The following NSUN2 variants were observed in gnomAD, a reference collection of about 807,000 sequenced individuals.
NSUN2 encodes RNA cytosine C(5)-methyltransferase NSUN2.
Under a neutral mutation model 92.7 loss-of-function variants are expected in NSUN2, and 63 were observed. That is an observed-to-expected ratio of 0.68 (90% CI 0.56 to 0.84). The LOEUF is 0.84. NSUN2 is among the 40% of genes least tolerant of loss of function. The pLI is 0.00. For missense variants in NSUN2, 989 were observed against 964.9 expected (o/e 1.02, Z -0.33); for synonymous variants, 356 against 348.3 (o/e 1.02, Z -0.25).
At chr5:6,617,929 C>G (rs1737277440) in intron 8 of NSUN2, 21 bp downstream of exon 8, 1 of 1,572,688 alleles carries the variant, frequency 6.4e-7, no homozygotes, top group East Asian at 2.2e-5. Flanking sequence ...ACAGTGTTAG[C>G]AGTGATGAAG....
At position 6,618,080 on chromosome 5, in the gene NSUN2, T is replaced by C. The variant is rs1737288523; in HGVS notation, c.816-56A>G. On this transcript the variant is annotated intron_variant, in intron 7 of 18. Transcript: ENST00000264670. ...TCCCTACAGGTGGATGACTGCACTT[T>C]AACAGATATGTCACATACAAGCTAA... The C allele has an allele frequency of 2.1e-5, 23 of 1,112,356 alleles. 1 individual carries two copies. In the South Asian group the frequency reaches 2.8e-4, roughly 14 times the overall value. 68.9% of individuals were successfully genotyped at this position (1,112,356 alleles called of 1,614,324 possible).
At chr5:6,600,903 G>A (rs1011802510) in intron 18 of NSUN2, among the ~76,000 whole-genome samples, 3 of 152,220 alleles carry the variant, frequency 2.0e-5, no homozygotes, top group Admixed American at 6.5e-5. Flanking sequence ...AACATGCTCC[G>A]AGCCTCCCTA....
intron 18 of NSUN2, 54 bp from the exon 19 acceptor site, chr5:6,600,286 G>C: frequency 3.3e-6 from 5 of 1,508,168 alleles, no homozygotes; most frequent in Non-Finnish European, 4.5e-6. Flanking sequence ...TAACTAAATC[G>C]AATGAGATGT....
At chr5:6,609,771 T>C in intron 12 of NSUN2, 55 bp downstream of exon 12, 2 of 1,410,548 alleles carry the variant, frequency 1.4e-6, no homozygotes, top group Non-Finnish European at 2.0e-6. Flanking sequence ...GGTTAGTTTT[T>C]GTCTTAAATG....
chr5:6,607,779 T>C (rs185782699), intron 12 of NSUN2, among the ~76,000 whole-genome samples: 35 of 152,286 alleles, frequency 2.3e-4, no homozygotes, highest in Non-Finnish European at 4.1e-4. Flanking sequence ...AAGACAAGTA[T>C]ATAAATAACG....
rs1170566663 is a variant in NSUN2, at chr5:6,600,237, A to C, written c.1998-5T>G. ...CACTGCAGAGCGTCTGGATTCCTACAAGTGAAAGTGGCTTCATGTAGAACA... is the reference window on the plus strand; with the variant it reads ...CACTGCAGAGCGTCTGGATTCCTACCAGTGAAAGTGGCTTCATGTAGAACA... On this transcript the variant is annotated splice_region_variant and splice_polypyrimidine_tract_variant and intron_variant, in intron 18 of 18. Transcript: ENST00000264670. The C allele has an allele frequency of 1.2e-6, 2 of 1,609,520 alleles. No homozygotes were observed. The highest frequency in any genetic ancestry group is 1.7e-6 in the Non-Finnish European group (2 of 1,176,812).
At position 6,610,963 on chromosome 5, in the gene NSUN2, C is replaced by T; in HGVS notation, c.1218G>A (p.Leu406=). Residue 406 remains leucine, a synonymous_variant, in exon 11 of 19, where the codon CTG becomes CTA. Coordinates refer to ENST00000264670, the MANE Select transcript of NSUN2 (RefSeq NM_017755.6). ...KDPEKLQAMH[L]ERCLRILPHH... is the part of the protein sequence containing the mutation. Reference sequence around the variant, plus strand: ...AGGCCCCACCAGCTCACCATCGCTCCAGGTGCATGGCCTGCAGCTTTTCTG... The same window carrying T: ...AGGCCCCACCAGCTCACCATCGCTCTAGGTGCATGGCCTGCAGCTTTTCTG... 6.2e-7 allele frequency: 1 copy of T among 1,614,128 alleles called. No individual in the cohort carries two copies. The highest frequency in any genetic ancestry group is 1.1e-5 in the South Asian group (1 of 91,076).
Position 6,604,257 on chromosome 5 carries a change from G to T in NSUN2, c.1838C>A (p.Pro613Gln), listed in dbSNP as rs772393550. The T allele has an allele frequency of 1.4e-5, 22 of 1,595,930 alleles. No individual in the cohort carries two copies. Among genetic ancestry groups the T allele is most frequent in the Non-Finnish European group, 1.6e-5 (19 of 1,164,294 alleles). ...LAQEGIYTLY[P>Q]FINSRIITVS... is the part of the protein sequence containing the mutation. The stretch of plus-strand genomic sequence containing the variant: ...AGTAATAATTCTTGAGTTAATAAAT[G>T]GATACAATGTATATATTCCCTGTGT... Residue 613 changes from proline (P) to glutamine (Q), a missense_variant, in exon 17 of 19, where the codon CCA (proline) becomes CAA (glutamine). By Grantham distance (76) the Pro-to-Gln change is moderately conservative (BLOSUM62 -1). Around this residue, in one of 3 missense-constraint regions of NSUN2, gnomAD observed 626 missense variants for 602.3 expected, o/e 1.04. Coordinates refer to ENST00000264670, the MANE Select transcript of NSUN2 (RefSeq NM_017755.6).
intron 3 of NSUN2, among the ~76,000 whole-genome samples, chr5:6,629,198 T>G (rs1271851933): frequency 6.6e-6 from 1 of 152,222 alleles, no homozygotes; most frequent in African/African-American, 2.4e-5. Context: ...GCAATTCACC[T>G]TCATTCTTCA....
chr5:6,631,282 TACA>T (rs202028830), intron 3 of NSUN2, among the ~76,000 whole-genome samples: 2,214 of 152,236 alleles, frequency 0.015, 32 homozygotes, highest in Middle Eastern at 0.031. Context: ...ATCACCTTCA[TACA>T]ACTGAGACTA....
At chr5:6,628,068 C>A (rs11948470) in intron 3 of NSUN2, among the ~76,000 whole-genome samples, 1 of 152,178 alleles carries the variant, frequency 6.6e-6, no homozygotes, top group East Asian at 1.9e-4. Flanking sequence ...ACGTAACAGG[C>A]GAGGTGCAGT....
chr5:6,627,808 G>A (rs1737716313), intron 3 of NSUN2, among the ~76,000 whole-genome samples: 1 of 152,038 alleles, frequency 6.6e-6, no homozygotes. Flanking sequence ...ATCTTTTTAT[G>A]AACCAAAAAA....
intron 9 of NSUN2, among the ~76,000 whole-genome samples, chr5:6,616,288 C>T (rs1347904525): frequency 2.6e-5 from 4 of 152,088 alleles, no homozygotes; most frequent in Non-Finnish European, 5.9e-5. Context: ...AAACAAAATG[C>T]GGTTTATATA....
In NSUN2 at chr5:6,623,185, C is replaced by A. The variant is rs755084427; in HGVS notation, c.537+29G>T. On this transcript the variant is annotated intron_variant, in intron 5 of 18. Transcript: ENST00000264670. ...CATGACACTGGTAACAAGCTGCCCG[C>A]CCCCACGTTTCTAGTTGCTATATGC... 10 of 1,569,204 alleles carry A rather than the reference C, an allele frequency of 6.4e-6. No individual in the cohort carries two copies. In the East Asian group the frequency reaches 1.8e-4, roughly 28 times the overall value.
intron 12 of NSUN2, among the ~76,000 whole-genome samples, chr5:6,608,304 C>T (rs1736862294): frequency 6.6e-6 from 1 of 152,258 alleles, no homozygotes; most frequent in South Asian, 2.1e-4. Context: ...GGCATGTTCT[C>T]CCATCTCTGT....
At chr5:6,630,906 G>A (rs969003063) in intron 3 of NSUN2, among the ~76,000 whole-genome samples, 2 of 152,106 alleles carry the variant, frequency 1.3e-5, no homozygotes, top group Non-Finnish European at 2.9e-5. Context: ...ATCCTGGCTA[G>A]CAAGGTAAAA....
Position 6,611,190 on chromosome 5 carries a change from T to G in NSUN2, c.1096-105A>C, listed in dbSNP as rs545705928. The G allele has an allele frequency of 1.1e-5, 14 of 1,258,932 alleles. 1 individual carries two copies. In the South Asian group the frequency reaches 1.5e-4, roughly 14 times the overall value. 78.0% of individuals were successfully genotyped at this position (1,258,932 alleles called of 1,614,324 possible). The stretch of plus-strand genomic sequence containing the variant: ...TCTCAAAGGTGACAAATGGTGATTC[T>G]CATTCACTCCAAAGATAGGAAGATT... On this transcript the variant is annotated intron_variant, in intron 10 of 18. Transcript: ENST00000264670.
intron 3 of NSUN2, among the ~76,000 whole-genome samples, chr5:6,629,041 T>C (rs990540890): frequency 5.3e-5 from 8 of 152,128 alleles, no homozygotes; most frequent in African/African-American, 1.9e-4. Context: ...TGAGACCCTG[T>C]CTCAAAATAA....
intron 14 of NSUN2, among the ~76,000 whole-genome samples, chr5:6,606,507 A>T (rs536527133): frequency 7.4e-4 from 112 of 152,096 alleles, no homozygotes; most frequent in African/African-American, 2.6e-3. Context: ...GGATGGTCTC[A>T]ATCTCCTGAC....
Sources: allele counts gnomAD v4.1 joint callset (sites outside exome capture counted in the v4.1 genomes callset), GRCh38; gene constraint gnomAD v4.1.1; regional missense constraint gnomAD v4.1.1; transcripts MANE v1.5; gene names NCBI Gene and HGNC (gene_info 2026-07-23, HGNC 2026-07-21).